PIEZO2: variants seen among roughly 807,000 people sequenced by gnomAD.
PIEZO2 encodes piezo-type mechanosensitive ion channel component 2.
PIEZO2 carries 172 observed loss-of-function variants against 337.3 expected under a neutral mutation model. That is an observed-to-expected ratio of 0.51 (90% CI 0.45 to 0.58). The LOEUF is 0.58. Among genes scored for constraint, PIEZO2 ranks in the 20% least tolerant of loss-of-function variants. PIEZO2 has a pLI of 0.00. For missense variants in PIEZO2, 3,028 were observed against 3,391.3 expected, an observed-to-expected ratio of 0.89 and a Z score of 2.66; for synonymous variants, 1,251 against 1,228.5, an observed-to-expected ratio of 1.02 and a Z score of -0.38.
chr18:11,130,842 T>G (rs559436941), intron 1 of PIEZO2, among the ~76,000 whole-genome samples: 52 of 152,252 alleles, frequency 3.4e-4, no homozygotes, highest in African/African-American at 1.2e-3. Flanking sequence ...TTCAGCCCAT[T>G]TATCAAGTGA....
rs184334642 is a variant in PIEZO2 at position 10,695,947 on chromosome 18, C to T, written c.7190+127G>A. ...ACCCAAACCTTTAGCTCTTCCTACC[C>T]GTGGTGCTGCTGTGCCAAGGCTCTG... On this transcript the variant is annotated intron_variant, in intron 47 of 55. Transcript: ENST00000674853. 499 of 874,978 alleles carry T rather than the reference C, an allele frequency of 5.7e-4. 1 individual carries two copies. The highest frequency in any genetic ancestry group is 1.3e-3 in the Admixed American group (68 of 50,702). 54.2% of individuals were successfully genotyped at this position (874,978 alleles called of 1,614,324 possible).
intron 1 of PIEZO2, among the ~76,000 whole-genome samples, chr18:11,144,325 T>C (rs2040752311): frequency 6.6e-6 from 1 of 152,182 alleles, no homozygotes; most frequent in Non-Finnish European, 1.5e-5. Flanking sequence ...ATAAATAGTA[T>C]CTACTTATAT....
intron 7 of PIEZO2, among the ~76,000 whole-genome samples, chr18:10,844,007 GAA>G (rs1290540564): frequency 6.6e-6 from 1 of 152,236 alleles, no homozygotes; most frequent in East Asian, 1.9e-4. Flanking sequence ...GAAGGCTGTA[GAA>G]ACATATTACT....
At chr18:10,867,034 C>T (rs2042025243) in intron 5 of PIEZO2, among the ~76,000 whole-genome samples, 1 of 152,192 alleles carries the variant, frequency 6.6e-6, no homozygotes, top group Non-Finnish European at 1.5e-5. Context: ...CAGTGACAGC[C>T]TTTAGCACAA....
At position 11,003,992 on chromosome 18, in the gene PIEZO2, C is replaced by G. The variant is rs2035634484; in HGVS notation, c.161-24332G>C. ...TGTTATGCCTTCCACAACTCTGACC[C>G]TAAACAAATGATGGTTTCCATGTTT... On this transcript the variant is annotated intron_variant, in intron 2 of 55. Transcript: ENST00000674853. The surrounding 1 kb of genome is among the most constrained non-coding windows in gnomAD (Gnocchi z 4.6). Among the ~76,000 whole-genome samples, 1 of 152,216 alleles carries G rather than the reference C, an allele frequency of 6.6e-6. No homozygotes were observed. Among genetic ancestry groups the G allele is most frequent in the Non-Finnish European group, 1.5e-5 (1 of 68,028 alleles).
Position 11,102,744 on chromosome 18 carries a change from C to T in PIEZO2, c.65-36522G>A, listed in dbSNP as rs2039456547. On this transcript the variant is annotated intron_variant, in intron 1 of 55. Transcript: ENST00000674853. This position sits in a 1 kb window ranked among gnomAD's most constrained non-coding sequence, Gnocchi z 5.7. ...CTGCCCATGATTCTCCTATGGCCCA[C>T]ACCCTGCAGCCTCAATGTTGGGGTT... Among the ~76,000 whole-genome samples, 1 of 152,188 alleles carries T rather than the reference C, an allele frequency of 6.6e-6. No homozygotes were observed.
intron 18 of PIEZO2, 71 bp from the exon 19 acceptor site, chr18:10,774,109 G>T: frequency 1.4e-6 from 1 of 699,122 alleles, no homozygotes; most frequent in Admixed American, 2.0e-5. Context: ...GAATGTCAGA[G>T]ATCACATATC....
At chr18:10,860,005 T>C (rs1351339333) in intron 5 of PIEZO2, among the ~76,000 whole-genome samples, 1 of 152,072 alleles carries the variant, frequency 6.6e-6, no homozygotes, top group African/African-American at 2.4e-5. Context: ...CTCCTCTATT[T>C]TTGTCTAGGG....
chr18:11,097,729 G>T lies in PIEZO2; in HGVS notation c.65-31507C>A, dbSNP rs922809921. ...TGAACACTTGATTAGCCATTAGAAA[G>T]ATTACTTTGTAATGAAATGTATGGA... On this transcript the variant is annotated intron_variant, in intron 1 of 55. Transcript: ENST00000674853. This position sits in a 1 kb window ranked among gnomAD's most constrained non-coding sequence, Gnocchi z 5.0. 3.3e-5 allele frequency among the ~76,000 whole-genome samples: 5 copies of T among 152,184 alleles called. No homozygotes were observed. Among genetic ancestry groups the T allele is most frequent in the African/African-American group, 1.2e-4 (5 of 41,446 alleles).
In PIEZO2 at chr18:10,672,633, C is replaced by T. The variant is rs1405341438; in HGVS notation, c.8345+57G>A. The T allele has an allele frequency of 2.4e-5, 38 of 1,555,506 alleles. No homozygotes were observed. The highest frequency in any genetic ancestry group is 3.0e-5 in the Non-Finnish European group (35 of 1,152,348). On this transcript the variant is annotated intron_variant, in intron 55 of 55. Transcript: ENST00000674853. The surrounding 1 kb of genome is among the most constrained non-coding windows in gnomAD (Gnocchi z 4.7). The stretch of plus-strand genomic sequence containing the variant: ...AAGATAAAAGGCTTCCCACTCTCAA[C>T]TTTACATGATACAGAAGTAGACTCT...
At chr18:11,005,802 T>C (rs1195885300) in intron 2 of PIEZO2, among the ~76,000 whole-genome samples, 1 of 152,200 alleles carries the variant, frequency 6.6e-6, no homozygotes, top group Non-Finnish European at 1.5e-5. Flanking sequence ...TTTCATGCCC[T>C]GGAAGCCAGG....
chr18:10,918,391 T>G (rs1276192894), intron 3 of PIEZO2, among the ~76,000 whole-genome samples: 2 of 152,138 alleles, frequency 1.3e-5, no homozygotes, highest in African/African-American at 4.8e-5. Flanking sequence ...ATCATAAATA[T>G]CTAGATGGCA....
intron 7 of PIEZO2, among the ~76,000 whole-genome samples, chr18:10,825,706 A>G (rs2144499906): frequency 6.6e-6 from 1 of 151,954 alleles, no homozygotes; most frequent in South Asian, 2.1e-4. Flanking sequence ...ATGTGCCACC[A>G]TGCCAGGCTA....
intron 2 of PIEZO2, among the ~76,000 whole-genome samples, chr18:10,995,325 T>C (rs1270189690): frequency 6.6e-6 from 1 of 152,174 alleles, no homozygotes; most frequent in Non-Finnish European, 1.5e-5. Flanking sequence ...GGATTGTTTG[T>C]TTTTTCTTGC....
chr18:10,912,019 C>CT (rs2030527382), intron 3 of PIEZO2, among the ~76,000 whole-genome samples: 1 of 152,020 alleles, frequency 6.6e-6, no homozygotes, highest in Admixed American at 6.5e-5. Context: ...CCCACCATGC[C>CT]TTTATCTTAC....
chr18:11,103,359 A>G (rs2039473477), intron 1 of PIEZO2, among the ~76,000 whole-genome samples: 1 of 152,176 alleles, frequency 6.6e-6, no homozygotes, highest in East Asian at 1.9e-4. Context: ...TACAGGCAAG[A>G]TTTTTATTTA....
rs1258983194 is a variant in PIEZO2 at position 10,929,815 on chromosome 18, T to C, written c.287-18587A>G. 1.3e-5 allele frequency among the ~76,000 whole-genome samples: 2 copies of C among 152,164 alleles called. No homozygotes were observed. Among genetic ancestry groups the C allele is most frequent in the African/African-American group, 4.8e-5 (2 of 41,444 alleles). On this transcript the variant is annotated intron_variant, in intron 3 of 55. Transcript: ENST00000674853. The surrounding 1 kb of genome is among the most constrained non-coding windows in gnomAD (Gnocchi z 5.6). ...ATTTCCTGATCCTCCTTTATGGTGC[T>C]GTAAACAAAAATAAAATTCTAAGGC...
At chr18:10,705,227 T>C (rs1459163906) in intron 41 of PIEZO2, 109 bp downstream of exon 41, 4 of 1,332,704 alleles carry the variant, frequency 3.0e-6, no homozygotes, top group African/African-American at 1.5e-5. Context: ...GCTCTAAGTG[T>C]CCAGATGAAC....
At chr18:11,065,309 C>T (rs2038112250) in intron 2 of PIEZO2, among the ~76,000 whole-genome samples, 1 of 152,202 alleles carries the variant, frequency 6.6e-6, no homozygotes, top group African/African-American at 2.4e-5. Context: ...ACTTCCTTTT[C>T]CTTTCATGTA....
Sources: gnomAD v4.1 joint callset for allele counts (sites outside exome capture counted in the v4.1 genomes callset) on GRCh38, gnomAD v4.1.1 for gene constraint, Gnocchi (gnomAD v3.1) non-coding constraint, MANE v1.5 for transcripts, NCBI Gene and HGNC (gene_info 2026-07-23, HGNC 2026-07-21) for gene names.